SPATS2: variants seen among roughly 807,000 people sequenced by gnomAD.
SPATS2 encodes the protein spermatogenesis-associated serine-rich protein 2.
SPATS2 carries 38 observed loss-of-function variants against 63.7 expected under a neutral mutation model. That is an observed-to-expected ratio of 0.60 (90% CI 0.46 to 0.78). The LOEUF (loss-of-function observed/expected upper bound fraction) is 0.78. Among genes scored for constraint, SPATS2 ranks in the 30% least tolerant of loss-of-function variants. SPATS2 has a pLI of 0.00. For missense variants in SPATS2, 588 were observed against 666.2 expected (o/e 0.88, Z 1.29); for synonymous variants, 207 against 232.9 (o/e 0.89, Z 1.01).
At chr12:49,441,076 C>CA (rs1282936293) in intron 2 of SPATS2, among the ~76,000 whole-genome samples, 17 of 152,162 alleles carry the variant, frequency 1.1e-4, no homozygotes, top group Admixed American at 1.1e-3. Context: ...TTGCTATGTA[C>CA]AAGCACTATT....
intron 9 of SPATS2, among the ~76,000 whole-genome samples, chr12:49,505,310 A>T (rs1484685976): frequency 6.6e-6 from 1 of 152,182 alleles, no homozygotes; most frequent in Non-Finnish European, 1.5e-5. Context: ...TTTGAAGCTT[A>T]GTTTGTTGAT....
intron 3 of SPATS2, chr12:49,469,541 C>CT (rs1240252367): frequency 5.8e-6 from 2 of 343,466 alleles, no homozygotes; most frequent in Non-Finnish European, 1.1e-5. Context: ...GGCTGGGTCT[C>CT]TAAAAAAAAA....
intron 2 of SPATS2, among the ~76,000 whole-genome samples, chr12:49,422,362 A>G (rs1015175056): frequency 1.3e-5 from 2 of 152,192 alleles, no homozygotes; most frequent in African/African-American, 4.8e-5. Context: ...AGTAGGCAGT[A>G]AATGTTAGTT....
At chr12:49,520,375 C>T (rs2138080055) in intron 11 of SPATS2, among the ~76,000 whole-genome samples, 1 of 152,312 alleles carries the variant, frequency 6.6e-6, no homozygotes, top group South Asian at 2.1e-4. Flanking sequence ...GCCTCGGCCT[C>T]TCAAAGTGCT....
chr12:49,507,837 T>C (rs1946678862), intron 9 of SPATS2, among the ~76,000 whole-genome samples: 1 of 152,212 alleles, frequency 6.6e-6, no homozygotes, highest in Admixed American at 6.5e-5. Context: ...TACCGGTTAA[T>C]ACGATTGCAT....
intron 2 of SPATS2, among the ~76,000 whole-genome samples, chr12:49,376,421 G>C (rs1341438498): frequency 6.6e-6 from 1 of 151,408 alleles, no homozygotes; most frequent in African/African-American, 2.4e-5. Flanking sequence ...TTTTAAGTCA[G>C]AGTCTTGCTT....
At position 49,485,519 on chromosome 12, in the gene SPATS2, G is replaced by T. The variant is rs1227084631; in HGVS notation, c.105+850G>T. ...TGGGATTACAGGCGTGCATCATCACGCCCAGCTAATTTTTGTATTTGTAGT... is the reference window on the plus strand; with the variant it reads ...TGGGATTACAGGCGTGCATCATCACTCCCAGCTAATTTTTGTATTTGTAGT... On this transcript the variant is annotated intron_variant, in intron 4 of 13. Coordinates refer to ENST00000552918, the MANE Select transcript of SPATS2 (RefSeq NM_023071.4). Among the ~76,000 whole-genome samples, 3 of 151,494 alleles carry T rather than the reference G, an allele frequency of 2.0e-5. 1 individual carries two copies. Among genetic ancestry groups the T allele is most frequent in the African/African-American group, 7.3e-5 (3 of 41,172 alleles).
chr12:49,385,145 C>T (rs1944290299), intron 2 of SPATS2, among the ~76,000 whole-genome samples: 1 of 152,008 alleles, frequency 6.6e-6, no homozygotes, highest in South Asian at 2.1e-4. Flanking sequence ...TTAGTGCCTA[C>T]TATGAGCCAG....
At chr12:49,416,573 C>G (rs1289101367) in intron 2 of SPATS2, among the ~76,000 whole-genome samples, 1 of 151,980 alleles carries the variant, frequency 6.6e-6, no homozygotes, top group Non-Finnish European at 1.5e-5. Flanking sequence ...CTGTAACCTC[C>G]GCCTCCTGGG....
At chr12:49,412,443 C>G (rs1330701205) in intron 2 of SPATS2, among the ~76,000 whole-genome samples, 1 of 152,084 alleles carries the variant, frequency 6.6e-6, no homozygotes, top group Non-Finnish European at 1.5e-5. Context: ...CTCGGGTGAT[C>G]GGCCTGCCTT....
chr12:49,491,331 A>G (rs1034657652), intron 6 of SPATS2, among the ~76,000 whole-genome samples: 2 of 152,172 alleles, frequency 1.3e-5, no homozygotes, highest in Admixed American at 6.5e-5. Context: ...GTTTTCAACC[A>G]TATTCATACC....
chr12:49,501,315 C>G (rs958898615), intron 9 of SPATS2, among the ~76,000 whole-genome samples: 1 of 152,118 alleles, frequency 6.6e-6, no homozygotes, highest in African/African-American at 2.4e-5. Context: ...CTGTGTCATT[C>G]CATGGCAGAT....
chr12:49,410,382 A>G (rs559799710), intron 2 of SPATS2, among the ~76,000 whole-genome samples: 178 of 152,232 alleles, frequency 1.2e-3, no homozygotes, highest in African/African-American at 4.2e-3. Context: ...AGCCTGTTCT[A>G]TACATGTTTG....
At chr12:49,498,029 T>C (rs1453937413) in intron 8 of SPATS2, among the ~76,000 whole-genome samples, 1 of 151,478 alleles carries the variant, frequency 6.6e-6, no homozygotes. Context: ...GAATTATTTA[T>C]TACACATGAG....
In SPATS2 at chr12:49,489,510, A is replaced by G; in HGVS notation, c.151A>G (p.Ile51Val). ...AIVPNKSNNE[I>V]ILVLQHFDNC... ...AGTTCCTAATAAGAGCAACAATGAAATTATCCTGGTTTTGCAGCACTTTGA... is the reference window on the plus strand; with the variant it reads ...AGTTCCTAATAAGAGCAACAATGAAGTTATCCTGGTTTTGCAGCACTTTGA... The change falls in exon 5 of 14, where the codon ATT (isoleucine) becomes GTT (valine). Residue 51 changes from isoleucine (I) to valine (V), a missense_variant. Ile to Val is a conservative substitution (Grantham distance 29). Transcript: ENST00000552918. 6.2e-7 allele frequency: 1 copy of G among 1,613,960 alleles called. No homozygotes were observed. Among genetic ancestry groups the G allele is most frequent in the Non-Finnish European group, 8.5e-7 (1 of 1,179,914 alleles).
intron 2 of SPATS2, among the ~76,000 whole-genome samples, chr12:49,429,073 T>C (rs2137465858): frequency 6.6e-6 from 1 of 152,318 alleles, no homozygotes; most frequent in East Asian, 1.9e-4. Flanking sequence ...GCTCTGCTCC[T>C]TTTGAGCTCC....
chr12:49,453,160 C>CAAA (rs534605136), intron 2 of SPATS2, among the ~76,000 whole-genome samples: 10,102 of 91,522 alleles, frequency 0.11, 521 homozygotes, highest in African/African-American at 0.14. Flanking sequence ...GACTCCGTCT[C>CAAA]AAAAAAAAAA....
intron 2 of SPATS2, among the ~76,000 whole-genome samples, chr12:49,382,582 A>G (rs913397094): frequency 3.3e-5 from 5 of 152,252 alleles, no homozygotes; most frequent in Admixed American, 1.3e-4. Context: ...CCCTTTCCAA[A>G]TAACACTGTC....
chr12:49,393,020 C>G (rs900003533), intron 2 of SPATS2, among the ~76,000 whole-genome samples: 1 of 152,144 alleles, frequency 6.6e-6, no homozygotes, highest in Non-Finnish European at 1.5e-5. Flanking sequence ...CCACTTCACT[C>G]CAGCCTGGGC....
Sources: allele counts gnomAD v4.1 joint callset (sites outside exome capture counted in the v4.1 genomes callset), GRCh38; gene constraint gnomAD v4.1.1; transcripts MANE v1.5; gene names NCBI Gene and HGNC (gene_info 2026-07-23, HGNC 2026-07-21).